The following DPP10 variants were observed in gnomAD, a reference collection of about 807,000 sequenced individuals.
DPP10 encodes inactive dipeptidyl peptidase 10.
Under a neutral mutation model 120.9 loss-of-function variants are expected in DPP10, and 33 were observed. That is an observed-to-expected ratio of 0.27 (90% CI 0.21 to 0.37). DPP10 has a LOEUF of 0.37. DPP10 is among the 10% of genes least tolerant of loss of function. DPP10 has a pLI of 1.00. For missense variants in DPP10, 816 were observed against 942.8 expected (o/e 0.87, Z 1.76); for synonymous variants, 337 against 326.1 (o/e 1.03, Z -0.36).
chr2:115,294,405 A>C (rs1451609295), intron 1 of DPP10, among the ~76,000 whole-genome samples: 2 of 152,102 alleles, frequency 1.3e-5, no homozygotes, highest in African/African-American at 4.8e-5. Context: ...TCACGTACAC[A>C]AGTAGGTAAA....
intron 3 of DPP10, among the ~76,000 whole-genome samples, chr2:115,453,917 A>G (rs1391810315): frequency 6.6e-6 from 1 of 151,470 alleles, no homozygotes; most frequent in Admixed American, 6.6e-5. Context: ...AGATGACATC[A>G]TTAGGACCCT....
intron 3 of DPP10, among the ~76,000 whole-genome samples, chr2:115,414,833 C>A (rs1341608122): frequency 6.6e-6 from 1 of 152,140 alleles, no homozygotes; most frequent in East Asian, 1.9e-4. Flanking sequence ...AACTGCAGAG[C>A]CACTATTTGC....
chr2:114,731,382 T>A (rs927825198), intron 1 of DPP10, among the ~76,000 whole-genome samples: 1 of 152,186 alleles, frequency 6.6e-6, no homozygotes, highest in Non-Finnish European at 1.5e-5. Flanking sequence ...GTCATATTTT[T>A]CTTTTAATTT....
At chr2:115,263,050 G>A (rs1477127918) in intron 1 of DPP10, among the ~76,000 whole-genome samples, 1 of 152,120 alleles carries the variant, frequency 6.6e-6, no homozygotes, top group Admixed American at 6.6e-5. Flanking sequence ...CTTACCCTGA[G>A]TCTGGAAGTG....
intron 5 of DPP10, among the ~76,000 whole-genome samples, chr2:115,668,163 A>G (rs2089608011): frequency 6.6e-6 from 1 of 151,926 alleles, no homozygotes; most frequent in South Asian, 2.1e-4. Flanking sequence ...TTTTTTGGTA[A>G]GCCCTTTATT....
chr2:114,449,059 G>T (rs1678106456), intron 1 of DPP10, among the ~76,000 whole-genome samples: 1 of 152,126 alleles, frequency 6.6e-6, no homozygotes, highest in African/African-American at 2.4e-5. Context: ...TCTGATCTTG[G>T]TTTGGGGCCA....
chr2:115,774,770 T>A (rs950989214), intron 13 of DPP10, among the ~76,000 whole-genome samples: 11 of 151,962 alleles, frequency 7.2e-5, no homozygotes, highest in Non-Finnish European at 1.6e-4. Flanking sequence ...AGACAGAAAA[T>A]TTTTCAAAGG....
chr2:115,477,611 A>C lies in DPP10; in HGVS notation c.272-21899A>C, dbSNP rs150503046. Among the ~76,000 whole-genome samples the C allele has an allele frequency of 2.0e-3, 299 of 152,306 alleles. 2 individuals are homozygous for C. The highest frequency in any genetic ancestry group is 7.0e-3 in the African/African-American group (291 of 41,570). On this transcript the variant is annotated intron_variant, in intron 3 of 25. Transcript: ENST00000410059. ...TACACAGATTAATGTAGTCCTTATA[A>C]AAATCCCAATGATTTTTTGCATAAA...
chr2:115,673,570 C>A (rs897055801), intron 5 of DPP10, among the ~76,000 whole-genome samples: 1 of 152,148 alleles, frequency 6.6e-6, no homozygotes, highest in East Asian at 1.9e-4. Flanking sequence ...TCTGTCCAGT[C>A]GTGTGTCAGC....
At chr2:115,119,152 G>T (rs1207911248) in intron 1 of DPP10, among the ~76,000 whole-genome samples, 1 of 152,106 alleles carries the variant, frequency 6.6e-6, no homozygotes, top group African/African-American at 2.4e-5. Flanking sequence ...GTAGTACTTA[G>T]GAGGGGCTGC....
chr2:114,814,020 A>G (rs188503735), intron 1 of DPP10, among the ~76,000 whole-genome samples: 1 of 151,694 alleles, frequency 6.6e-6, no homozygotes, highest in Non-Finnish European at 1.5e-5. Context: ...TAACTGTTTT[A>G]AAACTCTATT....
At chr2:115,436,439 A>G (rs913523232) in intron 3 of DPP10, among the ~76,000 whole-genome samples, 3 of 151,850 alleles carry the variant, frequency 2.0e-5, no homozygotes, top group Non-Finnish European at 4.4e-5. Context: ...ACAACTGAGA[A>G]GTGTTATACT....
At chr2:114,536,408 C>CTTTTTTTTTTTTTTTTTTTTTTTTT (rs70937287) in intron 1 of DPP10, among the ~76,000 whole-genome samples, 2 of 128,732 alleles carry the variant, frequency 1.6e-5, no homozygotes, top group Non-Finnish European at 3.2e-5. Context: ...TTTTCTTTTT[C>CTTTTTTTTTTTTTTTTTTTTTTTTT]TTTTTTTTTT....
chr2:115,198,416 G>C (rs888118424), intron 1 of DPP10, among the ~76,000 whole-genome samples: 2 of 152,126 alleles, frequency 1.3e-5, no homozygotes, highest in African/African-American at 4.8e-5. Context: ...GTGTGTAGTA[G>C]TGTATGTACT....
chr2:114,663,697 A>AG (rs9308701), intron 1 of DPP10, among the ~76,000 whole-genome samples: 7 of 146,384 alleles, frequency 4.8e-5, no homozygotes, highest in African/African-American at 1.0e-4. Context: ...AGAGAGAGAG[A>AG]AACTGACTGA....
intron 3 of DPP10, among the ~76,000 whole-genome samples, chr2:115,365,694 C>T (rs1327987595): frequency 6.6e-6 from 1 of 151,946 alleles, no homozygotes; most frequent in Non-Finnish European, 1.5e-5. Context: ...AGATGGAAGT[C>T]TGTTTTAGTT....
At chr2:115,485,428 T>C (rs998506451) in intron 3 of DPP10, among the ~76,000 whole-genome samples, 4 of 152,142 alleles carry the variant, frequency 2.6e-5, no homozygotes, top group African/African-American at 9.6e-5. Flanking sequence ...AGTATTTTCA[T>C]ATATTTTATA....
chr2:115,715,673 G>C (rs1335064635), intron 7 of DPP10, among the ~76,000 whole-genome samples: 13 of 152,232 alleles, frequency 8.5e-5, no homozygotes, highest in Non-Finnish European at 1.5e-5. Context: ...AGAGGAATGA[G>C]TGAACTGTAT....
intron 1 of DPP10, among the ~76,000 whole-genome samples, chr2:114,502,210 C>T (rs1234094204): frequency 6.6e-6 from 1 of 152,136 alleles, no homozygotes; most frequent in African/African-American, 2.4e-5. Context: ...GCCTTGGCCT[C>T]CCAAAGTGCT....
Sources: gnomAD v4.1 joint callset for allele counts (sites outside exome capture counted in the v4.1 genomes callset) on GRCh38, gnomAD v4.1.1 for gene constraint, MANE v1.5 for transcripts, NCBI Gene and HGNC (gene_info 2026-07-23, HGNC 2026-07-21) for gene names.